Variants in GPC3 observed in about 807,000 individuals in gnomAD.
The protein encoded by GPC3 is glypican-3.
GPC3 carries 3 observed loss-of-function variants against 34.4 expected under a neutral mutation model. That is an observed-to-expected ratio of 0.09 (90% CI 0.04 to 0.23). GPC3 has a LOEUF of 0.23. Ranked by LOEUF, GPC3 falls within the 10% of genes least tolerant of loss-of-function variation. The pLI is 1.00. For synonymous variants in GPC3, 177 were observed against 174.0 expected, an observed-to-expected ratio of 1.02 and a Z score of -0.13; for missense variants, 351 against 445.6, an observed-to-expected ratio of 0.79 and a Z score of 1.91.
chrX:133,827,161 A>G (rs1652415896), intron 2 of GPC3, among the ~76,000 whole-genome samples: 1 of 111,965 alleles, frequency 8.9e-6, no homozygotes, highest in Non-Finnish European at 1.9e-5. Flanking sequence ...TTCCCAGATA[A>G]ACAAAAACTG....
chrX:133,965,713 T>C (rs1312214325), intron 1 of GPC3, among the ~76,000 whole-genome samples: 2 of 112,038 alleles, frequency 1.8e-5, no homozygotes, highest in Non-Finnish European at 3.8e-5. Flanking sequence ...TTTCCTCCTC[T>C]ACCCAACCTA....
At chrX:133,792,062 G>A (rs2072170541) in intron 2 of GPC3, among the ~76,000 whole-genome samples, 1 of 108,894 alleles carries the variant, frequency 9.2e-6, no homozygotes, top group Admixed American at 9.8e-5. Flanking sequence ...TGTATTTTTA[G>A]TAGACAGGGT....
chrX:133,586,973 A>G (rs766150824), intron 7 of GPC3, among the ~76,000 whole-genome samples: 1 of 111,503 alleles, frequency 9.0e-6, no homozygotes, highest in African/African-American at 3.3e-5. Context: ...AACATTCAAT[A>G]TCCTCCTTCT....
intron 2 of GPC3, among the ~76,000 whole-genome samples, chrX:133,896,948 C>T (rs1202122985): frequency 9.7e-6 from 1 of 103,448 alleles, no homozygotes; most frequent in Non-Finnish European, 2.0e-5. Context: ...GCTCTGTCGC[C>T]CAGGCTGGAG....
Position 133,767,959 on chromosome X carries a change from C to T in GPC3, c.338-13783G>A, listed in dbSNP as rs184843195. On this transcript the variant is annotated intron_variant, in intron 2 of 7. Coordinates refer to ENST00000370818, the MANE Select transcript of GPC3 (RefSeq NM_004484.4). ...GAGTCTGTGTGAGAGAATAGGGTGG[C>T]GGGGTGGGGGGGTAAATCTCCAGGA... 9.3e-4 allele frequency among the ~76,000 whole-genome samples: 55 copies of T among 59,139 alleles called. 1 individual carries two copies. The East Asian group carries it at 0.022, about 23-fold the overall frequency. 51.4% of individuals were successfully genotyped at this position (59,139 alleles called of 115,157 possible).
In GPC3 at chrX:133,661,800, T is replaced by C; in HGVS notation, c.1343A>G (p.His448Arg). ...RNGMKNQFNL[H>R]ELKMKGPEPV... Reference sequence around the variant, plus strand: ...CTCAGGGCCCTTCATTTTCAGCTCATGGAGATTGAACTGGTTTTTCATTCC... The same window carrying C: ...CTCAGGGCCCTTCATTTTCAGCTCACGGAGATTGAACTGGTTTTTCATTCC... The change falls in exon 6 of 8, where the codon CAT (histidine) becomes CGT (arginine). Residue 448 changes from histidine to arginine, a missense_variant. His to Arg is a conservative substitution (Grantham distance 29). Transcript: ENST00000370818. 1.7e-6 allele frequency: 2 copies of C among 1,197,665 alleles called. No homozygotes were observed. Among genetic ancestry groups the C allele is most frequent in the Non-Finnish European group, 2.3e-6 (2 of 883,786 alleles).
At chrX:133,953,020 A>G (rs1466968046) in intron 2 of GPC3, 30 bp downstream of exon 2, 1 of 1,165,983 alleles carries the variant, frequency 8.6e-7, no homozygotes, top group East Asian at 3.0e-5. Flanking sequence ...GCCACTAAGC[A>G]GCACATCTAA....
chrX:133,920,778 T>G (rs939066915), intron 2 of GPC3, among the ~76,000 whole-genome samples: 1 of 112,499 alleles, frequency 8.9e-6, no homozygotes, highest in African/African-American at 3.2e-5. Context: ...TTTTAAAACT[T>G]TTTATTTTAA....
chrX:133,587,030 T>G lies in GPC3; in HGVS notation c.1573+9410A>C, dbSNP rs183434100. On this transcript the variant is annotated intron_variant, in intron 7 of 7. Transcript: ENST00000370818. Reference sequence around the variant, plus strand: ...ATTGTTAACTATAGTCATCCTACAGTGGTTCTAGAACACCAGAACTTATTC... The same window carrying G: ...ATTGTTAACTATAGTCATCCTACAGGGGTTCTAGAACACCAGAACTTATTC... Among the ~76,000 whole-genome samples the G allele has an allele frequency of 2.9e-4, 32 of 111,755 alleles. 1 individual carries two copies. The Middle Eastern group carries it at 0.023, about 80-fold the overall frequency.
At chrX:133,646,916 C>G (rs974017180) in intron 6 of GPC3, among the ~76,000 whole-genome samples, 8 of 111,783 alleles carry the variant, frequency 7.2e-5, no homozygotes, top group Non-Finnish European at 1.3e-4. Flanking sequence ...ACCTTCTGAA[C>G]TGATGTAATG....
chrX:133,941,978 CAA>C (rs1340806458), intron 2 of GPC3, among the ~76,000 whole-genome samples: 3 of 111,151 alleles, frequency 2.7e-5, no homozygotes, highest in African/African-American at 9.8e-5. Context: ...CACTGGCAAC[CAA>C]AGAGTACTAT....
intron 6 of GPC3, among the ~76,000 whole-genome samples, chrX:133,633,734 A>T (rs2070389523): frequency 8.9e-6 from 1 of 112,105 alleles, no homozygotes; most frequent in Non-Finnish European, 1.9e-5. Flanking sequence ...GCACTTTGTA[A>T]TATCTCACCC....
chrX:133,630,713 C>A (rs1290872416), intron 6 of GPC3, among the ~76,000 whole-genome samples: 4 of 111,710 alleles, frequency 3.6e-5, no homozygotes, highest in African/African-American at 1.3e-4. Flanking sequence ...CCTTGTGCCC[C>A]AGACCTTTTC....
chrX:133,858,333 A>G (rs1333766780), intron 2 of GPC3, among the ~76,000 whole-genome samples: 2 of 112,215 alleles, frequency 1.8e-5, no homozygotes, highest in African/African-American at 3.2e-5. Flanking sequence ...ATCCAGCTAG[A>G]AAAGAGATGG....
rs376115590 is a variant in GPC3, at chrX:133,629,388, T to TTTTGTTTGTTTGTTTG, written c.1413+32326_1413+32341dup. ...CCAGCTCTGACAGTCTATGATTCTT[T>TTTTGTTTGTTTGTTTG]TTTGTTTGTTTGTTTGTTTGTTTTT... On this transcript the variant is annotated intron_variant, in intron 6 of 7. Coordinates refer to ENST00000370818, the MANE Select transcript of GPC3 (RefSeq NM_004484.4). Among the ~76,000 whole-genome samples, 294 of 110,532 alleles carry TTTTGTTTGTTTGTTTG rather than the reference T, an allele frequency of 2.7e-3. 2 individuals carry two copies. Among genetic ancestry groups the TTTTGTTTGTTTGTTTG allele is most frequent in the African/African-American group, 9.3e-3 (279 of 29,950 alleles).
chrX:133,771,459 G>A (rs1370530994), intron 2 of GPC3, among the ~76,000 whole-genome samples: 2 of 112,364 alleles, frequency 1.8e-5, no homozygotes, highest in African/African-American at 6.5e-5. Flanking sequence ...CAATTCCAGT[G>A]CAAAGGAAGA....
At chrX:133,622,814 G>A (rs967262983) in intron 6 of GPC3, among the ~76,000 whole-genome samples, 2 of 111,190 alleles carry the variant, frequency 1.8e-5, no homozygotes, top group African/African-American at 6.5e-5. Flanking sequence ...GAAATACAGA[G>A]AACGCCACAA....
intron 2 of GPC3, among the ~76,000 whole-genome samples, chrX:133,929,594 T>C (rs1018041512): frequency 1.8e-5 from 2 of 111,426 alleles, no homozygotes; most frequent in African/African-American, 6.5e-5. Flanking sequence ...GACTAGTTCT[T>C]AGGGTAGTAC....
chrX:133,605,939 TGGTATC>T (rs2070046699), intron 6 of GPC3, among the ~76,000 whole-genome samples: 1 of 111,762 alleles, frequency 8.9e-6, no homozygotes, highest in Admixed American at 9.5e-5. Context: ...TGCTTCCATA[TGGTATC>T]AGCAAAGCTA....
Sources: gnomAD v4.1 joint callset for allele counts (sites outside exome capture counted in the v4.1 genomes callset) on GRCh38, gnomAD v4.1.1 for gene constraint, MANE v1.5 for transcripts, NCBI Gene and HGNC (gene_info 2026-07-23, HGNC 2026-07-21) for gene names.